BTG3: variants seen among roughly 807,000 people sequenced by gnomAD.
BTG3 encodes the protein BTG anti-proliferation factor 3.
A neutral mutation model predicts 25.8 loss-of-function variants in BTG3; 4 were observed. The observed-to-expected ratio is 0.16, with a 90% CI of 0.08 to 0.36. The LOEUF (loss-of-function observed/expected upper bound fraction) is 0.36, where lower values mean the gene tolerates loss of function less well. Among genes scored for constraint, BTG3 ranks in the 10% least tolerant of loss-of-function variants. The probability of loss-of-function intolerance (pLI) is 1.00; values close to 1 mark genes in which losing one functional copy is unlikely to be tolerated. For missense variants in BTG3, 201 were observed against 304.9 expected, an observed-to-expected ratio of 0.66 and a Z score of 2.54; for synonymous variants, 107 against 99.9, an observed-to-expected ratio of 1.07 and a Z score of -0.42.
At chr21:17,596,189 A>C (rs1204997391) in intron 4 of BTG3, among the ~76,000 whole-genome samples, 1 of 152,002 alleles carries the variant, frequency 6.6e-6, no homozygotes, top group East Asian at 1.9e-4. Context: ...TCTGGAAATA[A>C]GTCCTTTACA....
At chr21:17,604,108 TA>T in intron 3 of BTG3, 1 of 1,275,016 alleles carries the variant, frequency 7.8e-7, no homozygotes, top group Non-Finnish European at 1.0e-6. Context: ...ACTTCCATTA[TA>T]AAAATAAAAC....
chr21:17,608,720 G>C (rs2061679557), intron 2 of BTG3: 1 of 379,694 alleles, frequency 2.6e-6, no homozygotes, highest in East Asian at 3.9e-5. Flanking sequence ...TAGGAGCCAG[G>C]CTATAACCAC....
At chr21:17,604,119 C>T (rs2061606606) in intron 3 of BTG3, 10 of 1,282,238 alleles carry the variant, frequency 7.8e-6, no homozygotes, top group Non-Finnish European at 1.0e-5. Flanking sequence ...AAAAATAAAA[C>T]CACGAAGTAT....
intron 3 of BTG3, among the ~76,000 whole-genome samples, chr21:17,599,963 TAG>T (rs2061551945): frequency 6.6e-6 from 1 of 152,182 alleles, no homozygotes; most frequent in African/African-American, 2.4e-5. Flanking sequence ...TTGAAGAATA[TAG>T]AGGTTTTGCT....
Position 17,593,751 on chromosome 21 carries a change from A to C in BTG3, c.*342T>G, listed in dbSNP as rs897658073. Reference sequence around the variant, plus strand: ...ATTTCCTTGTATATAAATAACTTACATACGCTCCATAAAGTAAATTCTCAA... The same window carrying C: ...ATTTCCTTGTATATAAATAACTTACCTACGCTCCATAAAGTAAATTCTCAA... On this transcript the variant is annotated 3_prime_UTR_variant, in exon 5 of 5. Coordinates refer to ENST00000348354, the MANE Select transcript of BTG3 (RefSeq NM_006806.5). 3.0e-5 allele frequency: 6 copies of C among 199,776 alleles called. No individual in the cohort carries two copies. The highest frequency in any genetic ancestry group is 5.0e-5 in the Non-Finnish European group (5 of 100,166). The allele number at this position is 199,776 out of a possible 1,614,324, so 12.4% of individuals were successfully genotyped here.
At chr21:17,608,885 G>A (rs2123477709) in intron 2 of BTG3, 87 bp downstream of exon 2, 3 of 1,281,880 alleles carry the variant, frequency 2.3e-6, no homozygotes, top group Non-Finnish European at 3.2e-6. Context: ...ACACCTGTAG[G>A]CATGGTCTGC....
intron 3 of BTG3, among the ~76,000 whole-genome samples, chr21:17,599,731 C>T (rs553289747): frequency 2.8e-4 from 42 of 152,174 alleles, no homozygotes; most frequent in Non-Finnish European, 4.1e-4. Flanking sequence ...CCACCCGCCT[C>T]GGCCTCCCAA....
At chr21:17,600,651 T>A (rs865937536) in intron 3 of BTG3, among the ~76,000 whole-genome samples, 1 of 151,720 alleles carries the variant, frequency 6.6e-6, no homozygotes, top group Middle Eastern at 3.4e-3. Flanking sequence ...TGAGACCCTG[T>A]CTCTCAAAAA....
intron 3 of BTG3, among the ~76,000 whole-genome samples, chr21:17,602,127 A>G (rs1050250316): frequency 1.3e-5 from 2 of 152,012 alleles, no homozygotes; most frequent in East Asian, 3.9e-4. Context: ...TTAACACTCT[A>G]TTGGGGGAAA....
rs543304479 is a variant in BTG3 at position 17,608,956 on chromosome 21, C to T, written c.173+16G>A. 50 of 1,607,060 alleles carry T rather than the reference C, an allele frequency of 3.1e-5. 1 individual carries two copies. The South Asian group carries it at 5.4e-4, about 17-fold the overall frequency. On this transcript the variant is annotated intron_variant, in intron 2 of 4. Coordinates refer to ENST00000348354, the MANE Select transcript of BTG3 (RefSeq NM_006806.5). ...GGGGTTGATCAGCCTCTGCTTAATC[C>T]AATCTAATCCTTTACCTGTAGGCCT... is the stretch of plus-strand genomic sequence containing the variant.
At position 17,593,979 on chromosome 21, in the gene BTG3, A is replaced by G; in HGVS notation, c.*114T>C. Reference sequence around the variant, plus strand: ...AATAACTTCTATAAAAATAAGTTTGATGGTTTGGCCCATCTAACTTCACTA... The same window carrying G: ...AATAACTTCTATAAAAATAAGTTTGGTGGTTTGGCCCATCTAACTTCACTA... On this transcript the variant is annotated 3_prime_UTR_variant, in exon 5 of 5. Coordinates refer to ENST00000348354, the MANE Select transcript of BTG3 (RefSeq NM_006806.5). 1 of 1,226,810 alleles carries G rather than the reference A, an allele frequency of 8.2e-7. No homozygotes were observed. Among genetic ancestry groups the G allele is most frequent in the Non-Finnish European group, 1.1e-6 (1 of 903,878 alleles). The allele number at this position is 1,226,810 out of a possible 1,614,324, so 76.0% of individuals were successfully genotyped here.
At chr21:17,594,379 C>T (rs2061476609) in intron 4 of BTG3, 47 bp from the exon 5 acceptor site, 1 of 1,563,960 alleles carries the variant, frequency 6.4e-7, no homozygotes, top group Non-Finnish European at 8.6e-7. Flanking sequence ...AAAAAATCAT[C>T]ATCTATGTTC....
chr21:17,599,912 G>T (rs1272538571), intron 3 of BTG3, among the ~76,000 whole-genome samples: 1 of 152,128 alleles, frequency 6.6e-6, no homozygotes, highest in Non-Finnish European at 1.5e-5. Flanking sequence ...ACAAAAATGA[G>T]AACTGAGGCA....
chr21:17,596,430 T>C (rs1168930443), intron 4 of BTG3, among the ~76,000 whole-genome samples: 1 of 152,060 alleles, frequency 6.6e-6, no homozygotes, highest in Non-Finnish European at 1.5e-5. Context: ...CTTTTATGTC[T>C]AGGTACACAA....
At position 17,594,337 on chromosome 21, in the gene BTG3, A is replaced by G; in HGVS notation, c.520-5T>C. 2 of 1,611,884 alleles carry G rather than the reference A, an allele frequency of 1.2e-6. No individual in the cohort carries two copies. The highest frequency in any genetic ancestry group is 1.7e-6 in the Non-Finnish European group (2 of 1,178,746). ...TGGAAATATAAGTTCTGAAATCTGT[A>G]GGGAAGAGAACACATTAAGTTAATT... On this transcript the variant is annotated splice_region_variant and splice_polypyrimidine_tract_variant and intron_variant, in intron 4 of 4. Coordinates refer to ENST00000348354, the MANE Select transcript of BTG3 (RefSeq NM_006806.5).
chr21:17,610,455 A>AT (rs1291679525), intron 1 of BTG3, among the ~76,000 whole-genome samples: 1 of 152,260 alleles, frequency 6.6e-6, no homozygotes, highest in Non-Finnish European at 1.5e-5. Flanking sequence ...CTATCAGGAC[A>AT]TATTTAAGAA....
intron 1 of BTG3, 26 bp downstream of exon 1, chr21:17,612,673 G>C (rs2061750868): frequency 6.5e-6 from 1 of 152,724 alleles, no homozygotes; most frequent in South Asian, 2.1e-4. Flanking sequence ...CGCCATGTCT[G>C]CCTTTCCCCG....
At chr21:17,594,381 T>C in intron 4 of BTG3, 49 bp from the exon 5 acceptor site, 1 of 1,561,130 alleles carries the variant, frequency 6.4e-7, no homozygotes, top group African/African-American at 1.5e-5. Flanking sequence ...AAAATCATCA[T>C]CTATGTTCCA....
chr21:17,596,144 C>T (rs1569172646), intron 4 of BTG3, among the ~76,000 whole-genome samples: 1 of 151,814 alleles, frequency 6.6e-6, no homozygotes, highest in African/African-American at 2.4e-5. Flanking sequence ...TTACCTTTTA[C>T]TAGTGATTTG....
Sources: gnomAD v4.1 joint callset for allele counts (sites outside exome capture counted in the v4.1 genomes callset) on GRCh38, gnomAD v4.1.1 for gene constraint, MANE v1.5 for transcripts, NCBI Gene and HGNC (gene_info 2026-07-23, HGNC 2026-07-21) for gene names.